The following CDC14B variants were observed in gnomAD, a reference collection of about 807,000 sequenced individuals.
CDC14B encodes dual specificity protein phosphatase CDC14B.
Under a neutral mutation model 64.2 loss-of-function variants are expected in CDC14B, and 22 were observed. The ratio of observed to expected loss-of-function variants is 0.34; its 90% CI spans 0.24 to 0.49. The LOEUF (loss-of-function observed/expected upper bound fraction) is 0.49, where lower values mean the gene tolerates loss of function less well. CDC14B is among the 20% of genes least tolerant of loss of function. CDC14B has a pLI of 0.99. For synonymous variants in CDC14B, 191 were observed against 215.8 expected (o/e 0.89, Z 1.01); for missense variants, 498 against 629.9 (o/e 0.79, Z 2.24).
chr9:96,602,810 A>AT (rs887517370), intron 1 of CDC14B, among the ~76,000 whole-genome samples: 14 of 152,034 alleles, frequency 9.2e-5, no homozygotes, highest in African/African-American at 1.4e-4. Context: ...ATCACTGATG[A>AT]TTTTTTTTCT....
At chr9:96,543,334 C>T (rs560969959) in intron 5 of CDC14B, among the ~76,000 whole-genome samples, 3 of 149,060 alleles carry the variant, frequency 2.0e-5, no homozygotes, top group South Asian at 2.1e-4. Flanking sequence ...ACTCGAGACT[C>T]GTCTCAAAAA....
chr9:96,540,680 G>A (rs772207307), intron 6 of CDC14B, among the ~76,000 whole-genome samples: 1 of 151,648 alleles, frequency 6.6e-6, no homozygotes, highest in Non-Finnish European at 1.5e-5. Context: ...ACCCCTCAAA[G>A]CTTTACTTTT....
At chr9:96,604,342 TTTATTATTATTATTATTATTA>T (rs148185898) in intron 1 of CDC14B, among the ~76,000 whole-genome samples, 42 of 131,840 alleles carry the variant, frequency 3.2e-4, no homozygotes, top group East Asian at 1.9e-3. Context: ...GAAGCTTGCA[TTTATTATTATTATTATTATTA>T]TTATTATTAT....
At chr9:96,543,230 G>C (rs908737528) in intron 5 of CDC14B, among the ~76,000 whole-genome samples, 1 of 151,984 alleles carries the variant, frequency 6.6e-6, no homozygotes. Flanking sequence ...CAGCTACTCC[G>C]AGGCTGAGGC....
chr9:96,567,199 G>A, intron 1 of CDC14B: 1 of 275,930 alleles, frequency 3.6e-6, no homozygotes, highest in Non-Finnish European at 6.9e-6. Context: ...CAGCGGGCCT[G>A]CAGAGGGAAG....
At chr9:96,579,153 G>C (rs527245514) in intron 1 of CDC14B, among the ~76,000 whole-genome samples, 1 of 152,218 alleles carries the variant, frequency 6.6e-6, no homozygotes, top group East Asian at 1.9e-4. Context: ...AGTAATGTAA[G>C]ATGATGTTAT....
rs1194185332 is a variant in CDC14B at position 96,534,472 on chromosome 9, C to T, written c.698G>A (p.Arg233Lys). 2.5e-6 allele frequency: 4 copies of T among 1,609,784 alleles called. No individual in the cohort carries two copies. In the South Asian group the frequency reaches 4.4e-5, roughly 18 times the overall value. Residue 233 changes from arginine (R) to lysine (K), a missense_variant, in exon 8 of 14, where the codon AGA becomes AAA. By Grantham distance (26) the Arg-to-Lys change is conservative (BLOSUM62 2). Transcript: ENST00000375241. ...TCACATACCACTTTCAAGTCTGGCT[C>T]TTGAATGAGGTCCACAGAAGGCAAT... ...RFIAFCGPHS[R>K]ARLESGYHQH... is the part of the protein sequence containing the mutation.
intron 3 of CDC14B, among the ~76,000 whole-genome samples, chr9:96,563,391 G>A (rs573604966): frequency 6.0e-4 from 92 of 152,246 alleles, no homozygotes; most frequent in African/African-American, 2.0e-3. Context: ...GGTGGCTCAC[G>A]CCTGTAATCT....
At chr9:96,496,257 G>A (rs1483461104), downstream of CDC14B, 1 of 498,064 alleles carries the variant, frequency 2.0e-6, no homozygotes, top group Non-Finnish European at 4.0e-6. Context: ...TGGGCAACGG[G>A]CGTGTCCAGG....
At chr9:96,571,849 A>T (rs1844498712) in intron 1 of CDC14B, among the ~76,000 whole-genome samples, 1 of 152,144 alleles carries the variant, frequency 6.6e-6, no homozygotes, top group Non-Finnish European at 1.5e-5. Context: ...CTCATTCCAC[A>T]AAGCATCCCA....
chr9:96,549,242 A>C (rs1451644395), intron 5 of CDC14B, among the ~76,000 whole-genome samples: 1 of 152,192 alleles, frequency 6.6e-6, no homozygotes, highest in African/African-American at 2.4e-5. Flanking sequence ...AAAAAAACAA[A>C]ATACAAGCTC....
intron 1 of CDC14B, among the ~76,000 whole-genome samples, chr9:96,599,561 T>C (rs1373375849): frequency 2.0e-5 from 3 of 152,156 alleles, no homozygotes; most frequent in African/African-American, 4.8e-5. Flanking sequence ...GACTGTATCC[T>C]GAACAGAACA....
At chr9:96,522,648 T>A (rs375453972) in intron 11 of CDC14B, 45 bp from the exon 12 acceptor site, 7 of 1,229,946 alleles carry the variant, frequency 5.7e-6, no homozygotes, top group African/African-American at 4.4e-5. Flanking sequence ...AAGTTGCACT[T>A]ATTAATGCAG....
chr9:96,559,975 C>T (rs548682390), intron 4 of CDC14B, among the ~76,000 whole-genome samples: 66 of 152,268 alleles, frequency 4.3e-4, no homozygotes, highest in African/African-American at 1.5e-3. Context: ...TCAATACATA[C>T]GTCAAGGGGT....
chr9:96,567,111 G>T, intron 1 of CDC14B: 3 of 652,986 alleles, frequency 4.6e-6, no homozygotes, highest in Non-Finnish European at 7.2e-6. Flanking sequence ...TTCCCCAGCT[G>T]GGAACGCGGG....
At chr9:96,522,990 A>C (rs548255315) in intron 11 of CDC14B, among the ~76,000 whole-genome samples, 1 of 152,328 alleles carries the variant, frequency 6.6e-6, no homozygotes, top group Non-Finnish European at 1.5e-5. Flanking sequence ...AAATGGCAAA[A>C]AGGGGTGAGG....
chr9:96,541,127 C>T (rs1839997946), intron 6 of CDC14B, among the ~76,000 whole-genome samples: 1 of 152,198 alleles, frequency 6.6e-6, no homozygotes, highest in Admixed American at 6.5e-5. Flanking sequence ...GATCCATGGG[C>T]TACTGATTTA....
chr9:96,542,248 A>T (rs983250323), intron 5 of CDC14B, among the ~76,000 whole-genome samples: 2 of 144,594 alleles, frequency 1.4e-5, no homozygotes, highest in African/African-American at 5.8e-5. Context: ...TTTTTTCTTT[A>T]AACTGGAAAA....
intron 1 of CDC14B, among the ~76,000 whole-genome samples, chr9:96,598,442 T>C (rs1162329128): frequency 1.3e-5 from 2 of 152,208 alleles, no homozygotes; most frequent in Non-Finnish European, 1.5e-5. Flanking sequence ...GTTCATGTCA[T>C]TCGCCTGCCT....
Sources: allele counts gnomAD v4.1 joint callset (sites outside exome capture counted in the v4.1 genomes callset), GRCh38; gene constraint gnomAD v4.1.1; transcripts MANE v1.5; gene names NCBI Gene and HGNC (gene_info 2026-07-23, HGNC 2026-07-21).